CPS1: variants seen among roughly 807,000 people sequenced by gnomAD.
The protein encoded by CPS1 is carbamoyl-phosphate synthase 1, also known as carbamoyl-phosphate synthase [ammonia], mitochondrial.
A neutral mutation model predicts 174.6 loss-of-function variants in CPS1; 109 were observed. The ratio of observed to expected loss-of-function variants is 0.62; its 90% confidence interval spans 0.53 to 0.73. The LOEUF (loss-of-function observed/expected upper bound fraction) is 0.73. Among genes scored for constraint, CPS1 ranks in the 30% least tolerant of loss-of-function variants. The pLI, the probability that CPS1 is intolerant of heterozygous loss-of-function variation, is 0.00. For missense variants in CPS1, 1,689 were observed against 1,821.9 expected (o/e 0.93, Z 1.33); for synonymous variants, 637 against 632.0 (o/e 1.01, Z -0.12).
At position 210,657,041 on chromosome 2, in the gene CPS1, G is replaced by A; in HGVS notation, c.3666+409G>A. 1.3e-5 allele frequency among the ~76,000 whole-genome samples: 2 copies of A among 152,064 alleles called. 1 individual carries two copies. Among genetic ancestry groups the A allele is most frequent in the Non-Finnish European group, 2.9e-5 (2 of 68,016 alleles). On this transcript the variant is annotated intron_variant, in intron 30 of 37. Coordinates refer to ENST00000233072, the MANE Select transcript of CPS1 (RefSeq NM_001875.5). Reference sequence around the variant, plus strand: ...GCAGTTAGAGAACTGCTACTCCTGGGGATTCTAATGTTTCAGGGCCACACA... The same window carrying A: ...GCAGTTAGAGAACTGCTACTCCTGGAGATTCTAATGTTTCAGGGCCACACA...
chr2:210,493,273 A>G (rs943919395), intron 1 of CPS1, among the ~76,000 whole-genome samples: 2 of 152,198 alleles, frequency 1.3e-5, no homozygotes, highest in African/African-American at 4.8e-5. Flanking sequence ...AATACTGGTT[A>G]CAAATAGGAG....
intron 28 of CPS1, among the ~76,000 whole-genome samples, chr2:210,652,100 C>A (rs541702896): frequency 1.3e-5 from 2 of 152,156 alleles, no homozygotes; most frequent in East Asian, 3.9e-4. Flanking sequence ...ATTAACTGGG[C>A]AAATGGCTTA....
intron 1 of CPS1, among the ~76,000 whole-genome samples, chr2:210,557,651 A>G (rs1696956923): frequency 6.6e-6 from 1 of 152,116 alleles, no homozygotes; most frequent in Admixed American, 6.6e-5. Context: ...AACTTTGCCA[A>G]TGAAAATAAT....
chr2:210,622,742 A>T (rs1699570806), intron 21 of CPS1, among the ~76,000 whole-genome samples: 2 of 147,570 alleles, frequency 1.4e-5, no homozygotes, highest in Non-Finnish European at 3.0e-5. Flanking sequence ...TGGCAATTTT[A>T]TATTGAAAGA....
intron 21 of CPS1, among the ~76,000 whole-genome samples, chr2:210,626,968 A>G (rs1200504504): frequency 6.6e-6 from 1 of 152,196 alleles, no homozygotes; most frequent in Non-Finnish European, 1.5e-5. Context: ...ACTTTATGTC[A>G]CACCAATCAG....
upstream of CPS1, among the ~76,000 whole-genome samples, chr2:210,552,128 A>G (rs10192215): frequency 1.1e-4 from 16 of 151,972 alleles, no homozygotes; most frequent in African/African-American, 3.4e-4. Flanking sequence ...TTTATATTCT[A>G]TTTTCACACA....
In CPS1 at chr2:210,637,956, G is replaced by A. The variant is rs893814357; in HGVS notation, c.2829+113G>A. ...AAAAAGAGGAGTGGAATTAAGAAGT[G>A]ACAATACTCATCCGGTTGATGCTCA... On this transcript the variant is annotated intron_variant, in intron 22 of 37. Coordinates refer to ENST00000233072, the MANE Select transcript of CPS1 (RefSeq NM_001875.5). 30 of 1,187,880 alleles carry A rather than the reference G, an allele frequency of 2.5e-5. 1 individual carries two copies. The African/African-American group carries it at 3.2e-4, about 12-fold the overall frequency. The allele number at this position is 1,187,880 out of a possible 1,614,324, so 73.6% of individuals were successfully genotyped here. A position where few individuals can be genotyped will look rare whatever the true frequency, so the allele number is the denominator to read the frequency against.
At chr2:210,511,999 C>T (rs1308377278) in intron 1 of CPS1, among the ~76,000 whole-genome samples, 4 of 151,874 alleles carry the variant, frequency 2.6e-5, no homozygotes, top group African/African-American at 4.8e-5. Context: ...AATTAATTGC[C>T]TCCTGATATT....
At chr2:210,571,981 C>T (rs1407765972) in intron 1 of CPS1, among the ~76,000 whole-genome samples, 2 of 151,232 alleles carry the variant, frequency 1.3e-5, no homozygotes, top group Non-Finnish European at 3.0e-5. Context: ...AGTCCTAAAA[C>T]TGTAAGGGAA....
chr2:210,599,802 G>C (rs1698645575), intron 14 of CPS1, among the ~76,000 whole-genome samples: 1 of 151,838 alleles, frequency 6.6e-6, no homozygotes. Context: ...GTGGCCAGTA[G>C]GTTTCTTGCA....
At chr2:210,492,385 C>A (rs1359615153) in intron 1 of CPS1, among the ~76,000 whole-genome samples, 5 of 152,090 alleles carry the variant, frequency 3.3e-5, no homozygotes, top group Non-Finnish European at 5.9e-5. Flanking sequence ...GATAATTTTT[C>A]TTTTTTAAGA....
chr2:210,480,624 T>G (rs982962754), intron 1 of CPS1, among the ~76,000 whole-genome samples: 1 of 152,278 alleles, frequency 6.6e-6, no homozygotes, highest in African/African-American at 2.4e-5. Context: ...TCCTATATTT[T>G]TTCTAGAAAC....
chr2:210,509,973 T>A (rs1024760467), intron 1 of CPS1, among the ~76,000 whole-genome samples: 21 of 152,130 alleles, frequency 1.4e-4, no homozygotes, highest in Non-Finnish European at 2.2e-4. Context: ...ATAGATTCAA[T>A]GCCATCCCCA....
chr2:210,596,908 T>A (rs553691514), intron 13 of CPS1, among the ~76,000 whole-genome samples: 1 of 151,552 alleles, frequency 6.6e-6, no homozygotes, highest in South Asian at 2.1e-4. Flanking sequence ...ACTTAGAAGG[T>A]TAATAACTAG....
At chr2:210,655,049 C>T (rs1700664262) in intron 29 of CPS1, among the ~76,000 whole-genome samples, 1 of 152,026 alleles carries the variant, frequency 6.6e-6, no homozygotes, top group Non-Finnish European at 1.5e-5. Flanking sequence ...AAGCTCAACA[C>T]ATTGTAAGAT....
chr2:210,626,811 G>A (rs61665870), intron 21 of CPS1, among the ~76,000 whole-genome samples: 1 of 152,086 alleles, frequency 6.6e-6, no homozygotes, highest in African/African-American at 2.4e-5. Flanking sequence ...AGAAGGTTAA[G>A]GCAAAAATAA....
intron 18 of CPS1, among the ~76,000 whole-genome samples, chr2:210,607,390 A>G (rs915788875): frequency 2.0e-5 from 3 of 151,966 alleles, no homozygotes; most frequent in Non-Finnish European, 4.4e-5. Context: ...AAGACTGAAC[A>G]GTGCGGAATT....
chr2:210,677,981 C>T lies in CPS1; in HGVS notation c.4499C>T (p.Ala1500Val). The T allele has an allele frequency of 1.9e-6, 3 of 1,609,584 alleles. No individual in the cohort carries two copies. Among genetic ancestry groups the T allele is most frequent in the Non-Finnish European group, 2.6e-6 (3 of 1,175,850 alleles). Residue 1500 changes from alanine to valine, a missense_variant, in exon 38 of 38, where the codon GCA becomes GTA. Ala to Val is a moderately conservative substitution (Grantham distance 64). Coordinates refer to ENST00000233072, the MANE Select transcript of CPS1 (RefSeq NM_001875.5). ...AGGCAGTACAGTGCTGGAAAAGCAG[C>T]ATAGAGATGCAGACACCCCAGCCCC... ...HYRQYSAGKA[A>V]
intron 1 of CPS1, among the ~76,000 whole-genome samples, chr2:210,520,136 A>G (rs1316033349): frequency 6.6e-6 from 1 of 152,038 alleles, no homozygotes; most frequent in Non-Finnish European, 1.5e-5. Flanking sequence ...TATAACTTTG[A>G]TAAATATAAA....
Sources: gnomAD v4.1 joint callset for allele counts (sites outside exome capture counted in the v4.1 genomes callset) on GRCh38, gnomAD v4.1.1 for gene constraint, MANE v1.5 for transcripts, NCBI Gene and HGNC (gene_info 2026-07-23, HGNC 2026-07-21) for gene names.